Variants in PRKN observed in about 807,000 individuals in gnomAD.
PRKN encodes parkin RBR E3 ubiquitin protein ligase, also known as E3 ubiquitin-protein ligase parkin.
Under a neutral mutation model 59.5 loss-of-function variants are expected in PRKN, and 56 were observed. The observed-to-expected ratio is 0.94, with a 90% CI of 0.76 to 1.18. The LOEUF is 1.18. PRKN is among the 50% of genes most tolerant of loss of function. The probability of loss-of-function intolerance (pLI) is 0.00; values close to 1 mark genes in which losing one functional copy is unlikely to be tolerated. For synonymous variants in PRKN, 250 were observed against 222.1 expected (o/e 1.13, Z -1.12); for missense variants, 657 against 596.4 (o/e 1.10, Z -1.06).
At chr6:162,308,788 T>G (rs1782346485) in intron 2 of PRKN, among the ~76,000 whole-genome samples, 1 of 152,138 alleles carries the variant, frequency 6.6e-6, no homozygotes, top group African/African-American at 2.4e-5. Flanking sequence ...TTTATCAGAT[T>G]ATATTTTCTG....
chr6:162,669,757 C>G (rs995422857), intron 1 of PRKN, among the ~76,000 whole-genome samples: 6 of 152,138 alleles, frequency 3.9e-5, no homozygotes, highest in African/African-American at 1.4e-4. Flanking sequence ...GTTGGCACTA[C>G]AAAGTTAGAA....
chr6:162,105,444 C>A (rs906063598), intron 4 of PRKN, among the ~76,000 whole-genome samples: 9 of 152,180 alleles, frequency 5.9e-5, no homozygotes, highest in Admixed American at 1.3e-4. Flanking sequence ...TCTTATTACC[C>A]AGCCTAGAGT....
chr6:161,642,159 A>C (rs946694859), intron 7 of PRKN, among the ~76,000 whole-genome samples: 2 of 152,242 alleles, frequency 1.3e-5, no homozygotes, highest in African/African-American at 4.8e-5. Flanking sequence ...AGCTGATTTG[A>C]AAATCTACCT....
At chr6:162,386,716 G>A (rs564081094) in intron 2 of PRKN, among the ~76,000 whole-genome samples, 5 of 152,296 alleles carry the variant, frequency 3.3e-5, no homozygotes, top group South Asian at 2.1e-4. Context: ...ATGTGTGTGC[G>A]CAGGTATAAG....
chr6:161,465,416 T>A (rs1790416544), intron 9 of PRKN, among the ~76,000 whole-genome samples: 1 of 152,130 alleles, frequency 6.6e-6, no homozygotes, highest in African/African-American at 2.4e-5. Flanking sequence ...GCAGTACAAG[T>A]CTGATGGATT....
chr6:161,920,310 G>C (rs1164168668), intron 6 of PRKN, among the ~76,000 whole-genome samples: 1 of 152,060 alleles, frequency 6.6e-6, no homozygotes, highest in African/African-American at 2.4e-5. Context: ...CTTGAACCTA[G>C]GAGGTGGAGG....
At chr6:161,903,142 AGAG>A (rs1437469478) in intron 6 of PRKN, among the ~76,000 whole-genome samples, 2 of 152,176 alleles carry the variant, frequency 1.3e-5, no homozygotes, top group African/African-American at 4.8e-5. Flanking sequence ...AGAGGGATTT[AGAG>A]GAGTCTTTCC....
At chr6:162,274,567 T>C (rs1282493018) in intron 2 of PRKN, among the ~76,000 whole-genome samples, 1 of 152,162 alleles carries the variant, frequency 6.6e-6, no homozygotes, top group Admixed American at 6.5e-5. Context: ...GTGTTTAGAA[T>C]ATTTGCAAGG....
chr6:161,769,177 A>G (rs1366230435), intron 7 of PRKN, among the ~76,000 whole-genome samples: 2 of 152,222 alleles, frequency 1.3e-5, no homozygotes, highest in African/African-American at 4.8e-5. Flanking sequence ...TTTCAACTAT[A>G]CAACTTCAAT....
In PRKN at chr6:161,349,933, G is replaced by A. The variant is rs1441350059; in HGVS notation, c.*166C>T. On this transcript the variant is annotated 3_prime_UTR_variant, in exon 12 of 12. Coordinates refer to ENST00000366898, the MANE Select transcript of PRKN (RefSeq NM_004562.3). The surrounding 1 kb of genome is among the most constrained non-coding windows in gnomAD (Gnocchi z 5.5). ...CATGGACATAGTGAAAGGGATCCAG[G>A]AGTTTCTTCTGCAATTTGGCTGTAG... 8 of 668,518 alleles carry A rather than the reference G, an allele frequency of 1.2e-5. No individual in the cohort carries two copies. Among genetic ancestry groups the A allele is most frequent in the Non-Finnish European group, 2.2e-5 (8 of 364,252 alleles). 41.4% of individuals were successfully genotyped at this position (668,518 alleles called of 1,614,324 possible). A position where few individuals can be genotyped will look rare whatever the true frequency, so the allele number is the denominator to read the frequency against.
chr6:161,394,906 CA>C (rs1197641092), intron 9 of PRKN, among the ~76,000 whole-genome samples: 3 of 152,108 alleles, frequency 2.0e-5, no homozygotes. Flanking sequence ...TGATTTTTAC[CA>C]TAACTTAAAG....
intron 2 of PRKN, among the ~76,000 whole-genome samples, chr6:162,385,706 A>C (rs1786765487): frequency 6.6e-6 from 1 of 152,056 alleles, no homozygotes; most frequent in Admixed American, 6.6e-5. Context: ...TGGGAGGGAA[A>C]GTTTATTACC....
chr6:161,974,542 A>C (rs1158209163), intron 5 of PRKN, among the ~76,000 whole-genome samples: 3 of 151,834 alleles, frequency 2.0e-5, no homozygotes, highest in African/African-American at 4.8e-5. Context: ...TAACTTCTGT[A>C]TTTGTTCTCA....
intron 5 of PRKN, among the ~76,000 whole-genome samples, chr6:162,021,461 ATTTTT>A (rs72433488): frequency 0.023 from 569 of 24,658 alleles, 6 homozygotes; most frequent in African/African-American, 0.045. Flanking sequence ...ATATATATAT[ATTTTT>A]TTTTTTTTTT....
chr6:162,307,473 C>T (rs1391194297), intron 2 of PRKN, among the ~76,000 whole-genome samples: 1 of 146,218 alleles, frequency 6.8e-6, no homozygotes, highest in Non-Finnish European at 1.5e-5. Context: ...GTATTATGTA[C>T]ATAATAAATT....
At chr6:162,132,530 G>T (rs890162652) in intron 4 of PRKN, among the ~76,000 whole-genome samples, 1 of 152,196 alleles carries the variant, frequency 6.6e-6, no homozygotes, top group African/African-American at 2.4e-5. Context: ...TATCTAACGG[G>T]GTGTTTGTGA....
chr6:162,469,127 GA>G (rs1791581684), intron 1 of PRKN, among the ~76,000 whole-genome samples: 1 of 152,010 alleles, frequency 6.6e-6, no homozygotes, highest in African/African-American at 2.4e-5. Flanking sequence ...AGTGATCACA[GA>G]AACTAGTTTC....
At chr6:161,907,030 GAACACCC>G (rs1460036720) in intron 6 of PRKN, among the ~76,000 whole-genome samples, 1 of 151,982 alleles carries the variant, frequency 6.6e-6, no homozygotes, top group Non-Finnish European at 1.5e-5. Context: ...TCTCCTTTGG[GAACACCC>G]TCACAGACAC....
chr6:162,668,056 A>G (rs1176961629), intron 1 of PRKN, among the ~76,000 whole-genome samples: 2 of 152,222 alleles, frequency 1.3e-5, no homozygotes, highest in Non-Finnish European at 2.9e-5. Context: ...TTCTCAATTT[A>G]GCTTATAATT....
Sources: allele counts gnomAD v4.1 joint callset (sites outside exome capture counted in the v4.1 genomes callset), GRCh38; gene constraint gnomAD v4.1.1; non-coding constraint Gnocchi (gnomAD v3.1); transcripts MANE v1.5; gene names NCBI Gene and HGNC (gene_info 2026-07-23, HGNC 2026-07-21).